POU2F1: variants seen among roughly 807,000 people sequenced by gnomAD.
The protein encoded by POU2F1 is POU domain, class 2, transcription factor 1.
In POU2F1, 16 loss-of-function variants were observed where a neutral mutation model predicts 84.9. The ratio of observed to expected loss-of-function variants is 0.19; its 90% CI spans 0.13 to 0.29. The LOEUF is 0.29. Among genes scored for constraint, POU2F1 ranks in the 10% least tolerant of loss-of-function variants. The probability of loss-of-function intolerance (pLI) is 1.00; values close to 1 mark genes in which losing one functional copy is unlikely to be tolerated. For synonymous variants in POU2F1, 368 were observed against 368.3 expected (o/e 1.00, Z 0.01); for missense variants, 738 against 942.6 (o/e 0.78, Z 2.84).
chr1:167,365,214 T>G (rs1417978401), intron 2 of POU2F1, among the ~76,000 whole-genome samples: 3 of 152,196 alleles, frequency 2.0e-5, no homozygotes, highest in African/African-American at 7.2e-5. Context: ...TACCATCTTA[T>G]GATTGTAATT....
At chr1:167,335,216 T>C (rs534615470) in intron 2 of POU2F1, among the ~76,000 whole-genome samples, 11 of 152,274 alleles carry the variant, frequency 7.2e-5, no homozygotes, top group Admixed American at 3.3e-4. Flanking sequence ...TGCAAATAGA[T>C]GAAATAACCC....
intron 1 of POU2F1, among the ~76,000 whole-genome samples, chr1:167,325,465 G>A (rs905310934): frequency 2.0e-5 from 3 of 152,136 alleles, no homozygotes; most frequent in Non-Finnish European, 4.4e-5. Context: ...AATATAGGCC[G>A]ATCTCAGTTC....
At chr1:167,221,212 C>T (rs1000644626) in intron 1 of POU2F1, among the ~76,000 whole-genome samples, 10 of 151,474 alleles carry the variant, frequency 6.6e-5, no homozygotes, top group Non-Finnish European at 1.0e-4. Context: ...GCACCCGGCC[C>T]ACCCCGCCGC....
intron 2 of POU2F1, among the ~76,000 whole-genome samples, chr1:167,341,162 A>T (rs1341830918): frequency 6.6e-6 from 1 of 152,250 alleles, no homozygotes; most frequent in African/African-American, 2.4e-5. Context: ...AGAATTAGAC[A>T]GTATTCCAAT....
chr1:167,337,283 G>A (rs924473402), intron 2 of POU2F1, among the ~76,000 whole-genome samples: 1 of 151,614 alleles, frequency 6.6e-6, no homozygotes, highest in Non-Finnish European at 1.5e-5. Flanking sequence ...CTGAGATCAC[G>A]CCACTGCACT....
intron 1 of POU2F1, among the ~76,000 whole-genome samples, chr1:167,248,559 T>C (rs1650503971): frequency 6.6e-6 from 1 of 152,108 alleles, no homozygotes; most frequent in African/African-American, 2.4e-5. Flanking sequence ...ATGGAAGTAA[T>C]GGAATAGGTT....
chr1:167,408,936 A>G lies in POU2F1; in HGVS notation c.1556-3023A>G, dbSNP rs561384392. 4.6e-5 allele frequency among the ~76,000 whole-genome samples: 7 copies of G among 152,372 alleles called. No homozygotes were observed. In the South Asian group the frequency reaches 1.4e-3, roughly 32 times the overall value. On this transcript the variant is annotated intron_variant, in intron 13 of 15. Coordinates refer to ENST00000367866, the MANE Select transcript of POU2F1 (RefSeq NM_002697.4). ...ATTGAGTTGTAAGAATTGTTTATAC[A>G]TTCTGACACAATTCCAGTTCCTTTA...
Position 167,376,036 on chromosome 1 carries a change from A to G in POU2F1, c.599A>G (p.Gln200Arg). The G allele has an allele frequency of 6.2e-7, 1 of 1,614,030 alleles. No individual in the cohort carries two copies. Among genetic ancestry groups the G allele is most frequent in the Non-Finnish European group, 8.5e-7 (1 of 1,179,960 alleles). ...SQPIQIAQDL[Q>R]QLQQLQQQNL... is the part of the protein sequence containing the mutation. Reference sequence around the variant, plus strand: ...TTAATTCCAATTTTTCAGGATCTTCAACAACTGCAACAGCTTCAACAGCAG... The same window carrying G: ...TTAATTCCAATTTTTCAGGATCTTCGACAACTGCAACAGCTTCAACAGCAG... Residue 200 changes from glutamine to arginine, a missense_variant, in exon 7 of 16, where the codon CAA becomes CGA. Coordinates refer to ENST00000367866, the MANE Select transcript of POU2F1 (RefSeq NM_002697.4).
chr1:167,256,618 T>A (rs1411113902), intron 1 of POU2F1, among the ~76,000 whole-genome samples: 1 of 152,228 alleles, frequency 6.6e-6, no homozygotes, highest in African/African-American at 2.4e-5. Flanking sequence ...GATCTCAGAA[T>A]CTTCAGCTTA....
At chr1:167,359,856 T>A (rs1404226123) in intron 2 of POU2F1, among the ~76,000 whole-genome samples, 1 of 151,840 alleles carries the variant, frequency 6.6e-6, no homozygotes, top group East Asian at 1.9e-4. Context: ...GTTTGTTTTT[T>A]TTTTTTTTAC....
chr1:167,360,179 C>T (rs954146813), intron 2 of POU2F1, among the ~76,000 whole-genome samples: 1 of 152,060 alleles, frequency 6.6e-6, no homozygotes, highest in Non-Finnish European at 1.5e-5. Context: ...TACCTATCTC[C>T]TCAGTCCTGT....
intron 1 of POU2F1, among the ~76,000 whole-genome samples, chr1:167,300,527 C>T (rs1031614398): frequency 1.6e-4 from 24 of 152,142 alleles, no homozygotes; most frequent in South Asian, 1.0e-3. Flanking sequence ...TGTAGTGGCG[C>T]GATCTCAGCT....
intron 7 of POU2F1, among the ~76,000 whole-genome samples, chr1:167,377,912 G>T (rs1338784049): frequency 2.6e-5 from 4 of 152,022 alleles, no homozygotes; most frequent in Admixed American, 2.6e-4. Flanking sequence ...GTATTCCGTT[G>T]TGTATATGCA....
At chr1:167,398,248 A>G in intron 11 of POU2F1, 115 bp downstream of exon 11, 2 of 1,230,912 alleles carry the variant, frequency 1.6e-6, no homozygotes, top group East Asian at 2.4e-5. Context: ...GCTCTTATGG[A>G]TGATTATAAA....
intron 2 of POU2F1, among the ~76,000 whole-genome samples, chr1:167,361,656 T>C (rs1445452733): frequency 6.6e-6 from 1 of 152,084 alleles, no homozygotes; most frequent in African/African-American, 2.4e-5. Flanking sequence ...CATTGCCAGA[T>C]TTAGGTATCA....
At chr1:167,341,848 G>A (rs1657882535) in intron 2 of POU2F1, among the ~76,000 whole-genome samples, 1 of 152,304 alleles carries the variant, frequency 6.6e-6, no homozygotes, top group African/African-American at 2.4e-5. Context: ...GTTGAGCGGT[G>A]GAGGTGGCTC....
At chr1:167,315,611 A>C (rs1222802030) in intron 1 of POU2F1, among the ~76,000 whole-genome samples, 1 of 151,754 alleles carries the variant, frequency 6.6e-6, no homozygotes. Context: ...ACTTGTCTCT[A>C]AAAAAAATTG....
chr1:167,324,741 G>A lies in POU2F1; in HGVS notation c.62-7729G>A, dbSNP rs146112030. 2.3e-3 allele frequency among the ~76,000 whole-genome samples: 347 copies of A among 152,222 alleles called. 2 individuals carry two copies. Among genetic ancestry groups the A allele is most frequent in the African/African-American group, 8.0e-3 (333 of 41,528 alleles). On this transcript the variant is annotated intron_variant, in intron 1 of 15. Transcript: ENST00000367866. ...TAGGCCTCAGTTTACTTTTTATGAA[G>A]TAAGATTATCCTTCAGATTGCTTGT...
intron 1 of POU2F1, among the ~76,000 whole-genome samples, chr1:167,295,015 C>T (rs556216414): frequency 5.3e-5 from 8 of 151,912 alleles, no homozygotes; most frequent in Admixed American, 5.2e-4. Context: ...GTGCCTAATC[C>T]CAGCTACTCA....
Sources: gnomAD v4.1 joint callset for allele counts (sites outside exome capture counted in the v4.1 genomes callset) on GRCh38, gnomAD v4.1.1 for gene constraint, MANE v1.5 for transcripts, NCBI Gene and HGNC (gene_info 2026-07-23, HGNC 2026-07-21) for gene names.